The following JAZF1 variants were observed in gnomAD, a reference collection of about 807,000 sequenced individuals.
The protein encoded by JAZF1 is JAZF zinc finger 1, also known as juxtaposed with another zinc finger protein 1.
A neutral mutation model predicts 26.4 loss-of-function variants in JAZF1; 8 were observed. The ratio of observed to expected loss-of-function variants is 0.30; its 90% confidence interval spans 0.18 to 0.55. The LOEUF (loss-of-function observed/expected upper bound fraction) is 0.55, where lower values mean the gene tolerates loss of function less well. Ranked by LOEUF, JAZF1 falls within the 20% of genes least tolerant of loss-of-function variation. The pLI is 0.94. For synonymous variants in JAZF1, 126 were observed against 122.3 expected, an observed-to-expected ratio of 1.03 and a Z score of -0.20; for missense variants, 199 against 322.0, an observed-to-expected ratio of 0.62 and a Z score of 2.92.
At position 27,948,596 on chromosome 7, in the gene JAZF1, C is replaced by T. The variant is rs112858244; in HGVS notation, c.188+43313G>A. Among the ~76,000 whole-genome samples, 1,402 of 152,290 alleles carry T rather than the reference C, an allele frequency of 9.2e-3. 26 individuals are homozygous for T. The highest frequency in any genetic ancestry group is 0.032 in the African/African-American group (1,343 of 41,548). Reference sequence around the variant, plus strand: ...TATTTTCTGTCCCTTCTTCTGAAGACTCACTTCAGGCATGCGGGAGCACTT... The same window carrying T: ...TATTTTCTGTCCCTTCTTCTGAAGATTCACTTCAGGCATGCGGGAGCACTT... On this transcript the variant is annotated intron_variant, in intron 2 of 4. Transcript: ENST00000283928.
rs1782688570 is a variant in JAZF1 at position 27,831,310 on chromosome 7, A to T, written c.*1490T>A. The T allele has an allele frequency of 4.4e-6, 1 of 227,054 alleles. No individual in the cohort carries two copies. Among genetic ancestry groups the T allele is most frequent in the East Asian group, 6.4e-5 (1 of 15,736 alleles). 14.1% of individuals were successfully genotyped at this position (227,054 alleles called of 1,614,324 possible). A position where few individuals can be genotyped will look rare whatever the true frequency, so the allele number is the denominator to read the frequency against. ...GACCCCTGCTTCCCAGTTATATGTGATGTAAGACTTTTCATCAAATGGGAA... is the reference window on the plus strand; with the variant it reads ...GACCCCTGCTTCCCAGTTATATGTGTTGTAAGACTTTTCATCAAATGGGAA... On this transcript the variant is annotated 3_prime_UTR_variant, in exon 5 of 5. Transcript: ENST00000283928.
At chr7:28,082,080 TTAGAG>T (rs1196905799) in intron 1 of JAZF1, among the ~76,000 whole-genome samples, 3 of 152,188 alleles carry the variant, frequency 2.0e-5, no homozygotes, top group Non-Finnish European at 4.4e-5. Flanking sequence ...TTAGGCTATT[TTAGAG>T]TAGAGTATGT....
intron 1 of JAZF1, among the ~76,000 whole-genome samples, chr7:28,009,044 G>A (rs1782750935): frequency 6.6e-6 from 1 of 152,180 alleles, no homozygotes; most frequent in South Asian, 2.1e-4. Context: ...CCTCAGAGAA[G>A]CTCGGGAGAC....
chr7:28,109,518 G>GA (rs1207821207), intron 1 of JAZF1, among the ~76,000 whole-genome samples: 4 of 151,922 alleles, frequency 2.6e-5, no homozygotes, highest in African/African-American at 9.7e-5. Context: ...ACCTGCCCAG[G>GA]AAAAAAACAT....
chr7:28,150,374 G>T (rs964399139), intron 1 of JAZF1, among the ~76,000 whole-genome samples: 5 of 152,166 alleles, frequency 3.3e-5, no homozygotes, highest in African/African-American at 1.2e-4. Context: ...TGAAAGAAAA[G>T]TAATGCCCAT....
In JAZF1 at chr7:28,107,016, T is replaced by C. The variant is rs763794975; in HGVS notation, c.115+73447A>G. Among the ~76,000 whole-genome samples the C allele has an allele frequency of 5.8e-4, 88 of 152,196 alleles. 1 individual carries two copies. The highest frequency in any genetic ancestry group is 8.4e-4 in the Non-Finnish European group (57 of 68,032). ...AATTATGTAAATTATACCTCGGTTC[T>C]TTATTTCTGGAAGAGGGAACAAAGT... On this transcript the variant is annotated intron_variant, in intron 1 of 4. Transcript: ENST00000283928.
At chr7:28,017,246 G>T (rs1782910217) in intron 1 of JAZF1, among the ~76,000 whole-genome samples, 1 of 151,412 alleles carries the variant, frequency 6.6e-6, no homozygotes, top group Non-Finnish European at 1.5e-5. Flanking sequence ...AACTACTCAG[G>T]AGGCTAAGGC....
intron 1 of JAZF1, among the ~76,000 whole-genome samples, chr7:28,117,955 G>A (rs1784772499): frequency 6.6e-6 from 1 of 151,860 alleles, no homozygotes. Context: ...CAGAATTCTG[G>A]TTTACTCAAG....
rs374226936 is a variant in JAZF1, at chr7:27,979,723, T to TC, written c.188+12185dup. On this transcript the variant is annotated intron_variant, in intron 2 of 4. Coordinates refer to ENST00000283928, the MANE Select transcript of JAZF1 (RefSeq NM_175061.4). ...TGCCTTTGCCCTGCAGCTCCCCGAA[T>TC]CCCCTGCCTCTCCCCTATCCCCTGC... Among the ~76,000 whole-genome samples the TC allele has an allele frequency of 1.7e-3, 260 of 152,186 alleles. 1 individual carries two copies. The highest frequency in any genetic ancestry group is 4.8e-3 in the African/African-American group (200 of 41,514).
At chr7:27,847,484 C>T (rs1350928108) in intron 3 of JAZF1, among the ~76,000 whole-genome samples, 1 of 152,098 alleles carries the variant, frequency 6.6e-6, no homozygotes, top group Non-Finnish European at 1.5e-5. Flanking sequence ...GGACCAATTT[C>T]ATTCGAGTCT....
intron 1 of JAZF1, among the ~76,000 whole-genome samples, chr7:28,045,930 T>C (rs1230935699): frequency 6.6e-6 from 1 of 152,144 alleles, no homozygotes; most frequent in East Asian, 1.9e-4. Flanking sequence ...CAAAATAGCA[T>C]TTGCAAATTT....
At chr7:28,085,041 C>T (rs1015638692) in intron 1 of JAZF1, among the ~76,000 whole-genome samples, 6 of 152,188 alleles carry the variant, frequency 3.9e-5, no homozygotes, top group Non-Finnish European at 8.8e-5. Flanking sequence ...AGCCCCTCAA[C>T]CTTGGACTTC....
intron 1 of JAZF1, among the ~76,000 whole-genome samples, chr7:28,054,154 C>T (rs1783659790): frequency 6.6e-6 from 1 of 152,132 alleles, no homozygotes; most frequent in African/African-American, 2.4e-5. Flanking sequence ...AGCATATAAT[C>T]CTATATCTAC....
chr7:27,989,980 C>G lies in JAZF1; in HGVS notation c.188+1929G>C, dbSNP rs1785863757. Reference sequence around the variant, plus strand: ...AATCATGCTGCTATAAAGACACATGCACATGTATGTTTATTGTGGCACTAT... The same window carrying G: ...AATCATGCTGCTATAAAGACACATGGACATGTATGTTTATTGTGGCACTAT... On this transcript the variant is annotated intron_variant, in intron 2 of 4. Coordinates refer to ENST00000283928, the MANE Select transcript of JAZF1 (RefSeq NM_175061.4). Among the ~76,000 whole-genome samples the G allele has an allele frequency of 1.3e-5, 2 of 150,470 alleles. 1 individual carries two copies. The highest frequency in any genetic ancestry group is 4.2e-4 in the South Asian group (2 of 4,712).
chr7:28,164,615 C>A (rs1783338842), intron 1 of JAZF1, among the ~76,000 whole-genome samples: 1 of 152,174 alleles, frequency 6.6e-6, no homozygotes, highest in South Asian at 2.1e-4. Context: ...AAAATACTAC[C>A]TTTCAGAATT....
chr7:27,963,557 T>C (rs1376652338), intron 2 of JAZF1, among the ~76,000 whole-genome samples: 1 of 116,900 alleles, frequency 8.6e-6, no homozygotes, highest in Non-Finnish European at 1.7e-5. Context: ...ATGTTTGCAA[T>C]TCCCCCCCCC....
At chr7:27,934,466 TACAC>T (rs10578145) in intron 2 of JAZF1, among the ~76,000 whole-genome samples, 12 of 150,454 alleles carry the variant, frequency 8.0e-5, no homozygotes, top group Non-Finnish European at 7.4e-5. Flanking sequence ...TTACCATACA[TACAC>T]ACACACACAC....
chr7:28,013,447 C>T (rs2391493), intron 1 of JAZF1, among the ~76,000 whole-genome samples: 114,953 of 152,008 alleles, frequency 0.76, 45,337 homozygotes, highest in Non-Finnish European at 0.88. Context: ...AGGCCTGTTA[C>T]AGCTCAGGAT....
At chr7:28,122,210 C>G (rs1176063694) in intron 1 of JAZF1, among the ~76,000 whole-genome samples, 2 of 152,186 alleles carry the variant, frequency 1.3e-5, no homozygotes, top group Non-Finnish European at 2.9e-5. Context: ...CAAATACATA[C>G]AAGTCCTGCC....
Sources: allele counts gnomAD v4.1 joint callset (sites outside exome capture counted in the v4.1 genomes callset), GRCh38; gene constraint gnomAD v4.1.1; transcripts MANE v1.5; gene names NCBI Gene and HGNC (gene_info 2026-07-23, HGNC 2026-07-21).